Variants in SMYD3 observed in about 807,000 individuals in gnomAD.
SMYD3 encodes SET and MYND domain containing 3.
Under a neutral mutation model 57.7 loss-of-function variants are expected in SMYD3, and 36 were observed. The ratio of observed to expected loss-of-function variants is 0.62; its 90% confidence interval spans 0.48 to 0.82. The LOEUF (loss-of-function observed/expected upper bound fraction) is 0.82, where lower values mean the gene tolerates loss of function less well. Ranked by LOEUF, SMYD3 falls within the 40% of genes least tolerant of loss-of-function variation. The pLI, the probability that SMYD3 is intolerant of heterozygous loss-of-function variation, is 0.00. For synonymous variants in SMYD3, 211 were observed against 195.0 expected (o/e 1.08, Z -0.68); for missense variants, 515 against 538.8 (o/e 0.96, Z 0.44).
intron 5 of SMYD3, among the ~76,000 whole-genome samples, chr1:246,210,527 T>C (rs889408717): frequency 2.0e-5 from 3 of 151,950 alleles, no homozygotes; most frequent in Non-Finnish European, 2.9e-5. Context: ...CTCACCAACA[T>C]GGCGAAACCC....
At chr1:246,348,346 G>A (rs2065760701) in intron 2 of SMYD3, among the ~76,000 whole-genome samples, 1 of 151,888 alleles carries the variant, frequency 6.6e-6, no homozygotes, top group Admixed American at 6.6e-5. Context: ...AGCGTGGAAG[G>A]CAGAGGTTTT....
intron 5 of SMYD3, among the ~76,000 whole-genome samples, chr1:245,936,947 A>G (rs190136061): frequency 1.9e-4 from 29 of 152,308 alleles, no homozygotes; most frequent in Admixed American, 5.2e-4. Flanking sequence ...AAAACTAAAA[A>G]TTTGTCTTTA....
intron 5 of SMYD3, among the ~76,000 whole-genome samples, chr1:246,271,691 G>T (rs937063174): frequency 2.6e-5 from 4 of 152,146 alleles, no homozygotes; most frequent in Non-Finnish European, 5.9e-5. Flanking sequence ...CACTGTTTTG[G>T]TCACAGTAGC....
intron 1 of SMYD3, among the ~76,000 whole-genome samples, chr1:246,426,751 A>T (rs562504561): frequency 3.8e-4 from 58 of 152,130 alleles, no homozygotes; most frequent in African/African-American, 1.4e-3. Flanking sequence ...CTTCCTAATA[A>T]AGTAAAGTGC....
rs71299006 is a variant in SMYD3, at chr1:246,273,135, C to CTTTTTTTTTTTTTTTT, written c.531+54050_531+54065dup. On this transcript the variant is annotated intron_variant, in intron 5 of 11. Coordinates refer to ENST00000490107, the MANE Select transcript of SMYD3 (RefSeq NM_001167740.2). ...TGATTCATAATAATGTCCCTGTTTT[C>CTTTTTTTTTTTTTTTT]TTTTTTTTTTTTTTTTTCTTTTTTT... is the stretch of plus-strand genomic sequence containing the variant. Among the ~76,000 whole-genome samples, 195 of 107,532 alleles carry CTTTTTTTTTTTTTTTT rather than the reference C, an allele frequency of 1.8e-3. 5 individuals are homozygous for CTTTTTTTTTTTTTTTT. The highest frequency in any genetic ancestry group is 4.3e-3 in the African/African-American group (118 of 27,336). The allele number at this position is 107,532 out of a possible 152,430, so 70.5% of individuals were successfully genotyped here. A position where few individuals can be genotyped will look rare whatever the true frequency, so the allele number is the denominator to read the frequency against.
At chr1:246,371,694 C>A (rs985073775) in intron 1 of SMYD3, among the ~76,000 whole-genome samples, 3 of 152,132 alleles carry the variant, frequency 2.0e-5, no homozygotes, top group African/African-American at 7.2e-5. Context: ...GCAACAGATG[C>A]CCACCTTGAG....
At chr1:246,503,901 C>A (rs1261733169) in intron 1 of SMYD3, among the ~76,000 whole-genome samples, 4 of 148,176 alleles carry the variant, frequency 2.7e-5, no homozygotes, top group African/African-American at 7.5e-5. Context: ...TTGTGGTGAG[C>A]CAAGATCACA....
intron 5 of SMYD3, among the ~76,000 whole-genome samples, chr1:246,222,338 G>C (rs961150900): frequency 6.6e-6 from 1 of 151,956 alleles, no homozygotes; most frequent in South Asian, 2.1e-4. Flanking sequence ...CTTTATTATC[G>C]ACAAGGAACA....
chr1:246,204,835 T>C (rs1201373761), intron 5 of SMYD3, among the ~76,000 whole-genome samples: 1 of 152,246 alleles, frequency 6.6e-6, no homozygotes, highest in Non-Finnish European at 1.5e-5. Context: ...TTAATGTTCA[T>C]TCATTAATTT....
chr1:246,072,890 G>A (rs913640548), intron 5 of SMYD3, among the ~76,000 whole-genome samples: 1 of 152,182 alleles, frequency 6.6e-6, no homozygotes, highest in African/African-American at 2.4e-5. Flanking sequence ...CATGGTGCAT[G>A]TACATAAAAA....
chr1:245,967,931 T>A (rs2058197318), intron 5 of SMYD3, among the ~76,000 whole-genome samples: 1 of 152,162 alleles, frequency 6.6e-6, no homozygotes. Flanking sequence ...AATATTTAAC[T>A]TTTGAGCATC....
chr1:246,078,958 T>G (rs957782177), intron 5 of SMYD3, among the ~76,000 whole-genome samples: 2 of 152,082 alleles, frequency 1.3e-5, no homozygotes, highest in African/African-American at 4.8e-5. Context: ...AGGTTATAGT[T>G]TAGCAGAAGA....
intron 5 of SMYD3, among the ~76,000 whole-genome samples, chr1:246,120,744 A>G (rs2061412366): frequency 1.3e-5 from 2 of 152,168 alleles, no homozygotes; most frequent in Non-Finnish European, 2.9e-5. Context: ...CTGTGAAATC[A>G]TCTCCAACCC....
At chr1:246,367,439 A>ATCCC (rs1221681061) in intron 1 of SMYD3, among the ~76,000 whole-genome samples, 1 of 152,218 alleles carries the variant, frequency 6.6e-6, no homozygotes, top group Non-Finnish European at 1.5e-5. Flanking sequence ...TCAGAAAGGT[A>ATCCC]GAGAACATGC....
At chr1:246,088,470 C>A (rs80112315) in intron 5 of SMYD3, among the ~76,000 whole-genome samples, 4 of 119,546 alleles carry the variant, frequency 3.3e-5, no homozygotes, top group African/African-American at 1.7e-4. Context: ...ATTAGCCGGG[C>A]GTGGTGACAG....
chr1:246,129,334 C>G (rs995912226), intron 5 of SMYD3, among the ~76,000 whole-genome samples: 1 of 151,764 alleles, frequency 6.6e-6, no homozygotes, highest in Admixed American at 6.6e-5. Flanking sequence ...GACTTAACAC[C>G]TTTACAACAA....
At chr1:245,981,664 T>C (rs1189185444) in intron 5 of SMYD3, among the ~76,000 whole-genome samples, 1 of 152,100 alleles carries the variant, frequency 6.6e-6, no homozygotes, top group African/African-American at 2.4e-5. Flanking sequence ...TATCCTGCCA[T>C]AACAAAAGCA....
rs374264478 is a variant in SMYD3 at position 246,401,848 on chromosome 1, G to C, written c.165-46754C>G. ...AGCGATTCACCTGCCTCAGCCTCCC[G>C]AGTAGCTGGGATTACAGGCATGTGC... is the stretch of plus-strand genomic sequence containing the variant. On this transcript the variant is annotated intron_variant, in intron 1 of 11. Coordinates refer to ENST00000490107, the MANE Select transcript of SMYD3 (RefSeq NM_001167740.2). Among the ~76,000 whole-genome samples, 49 of 150,768 alleles carry C rather than the reference G, an allele frequency of 3.3e-4. 1 individual carries two copies. Among genetic ancestry groups the C allele is most frequent in the African/African-American group, 1.0e-3 (43 of 40,978 alleles).
chr1:245,782,489 T>C lies in SMYD3; in HGVS notation c.1077-18340A>G, dbSNP rs556697393. Among the ~76,000 whole-genome samples, 119 of 152,356 alleles carry C rather than the reference T, an allele frequency of 7.8e-4. 1 individual carries two copies. Among genetic ancestry groups the C allele is most frequent in the Middle Eastern group, 3.4e-3 (1 of 294 alleles). ...GCAGGAATTCAAACACCTGACGGCA[T>C]GGAAGTGGCAAAACCATGTGGGTTT... On this transcript the variant is annotated intron_variant, in intron 10 of 11. Transcript: ENST00000490107.
Sources: gnomAD v4.1 joint callset for allele counts (sites outside exome capture counted in the v4.1 genomes callset) on GRCh38, gnomAD v4.1.1 for gene constraint, MANE v1.5 for transcripts, NCBI Gene and HGNC (gene_info 2026-07-23, HGNC 2026-07-21) for gene names.